The following RTL4 variants were observed in gnomAD, a reference collection of about 807,000 sequenced individuals.
The protein encoded by RTL4 is retrotransposon Gag-like protein 4.
A neutral mutation model predicts 5.3 loss-of-function variants in RTL4; 4 were observed. The observed-to-expected ratio is 0.75, with a 90% confidence interval of 0.37 to 1.72. The LOEUF is 1.72. Among genes scored for constraint, RTL4 ranks in the 40% most tolerant of loss-of-function variants. RTL4 has a pLI of 0.04. For missense variants in RTL4, 260 were observed against 227.1 expected, an observed-to-expected ratio of 1.14 and a Z score of -0.93; for synonymous variants, 98 against 87.3, an observed-to-expected ratio of 1.12 and a Z score of -0.68.
the RTL4 span, among the ~76,000 whole-genome samples, chrX:112,401,016 G>A: frequency 8.1e-5 from 9 of 111,787 alleles, no homozygotes; most frequent in African/African-American, 9.8e-5. Context: ...CAATAATAGG[G>A]CTCCCCTTGT....
At chrX:112,147,407 G>A in the RTL4 span, among the ~76,000 whole-genome samples, 20 of 110,761 alleles carry the variant, frequency 1.8e-4, no homozygotes, top group African/African-American at 5.9e-4. Flanking sequence ...CCTCCCCCTT[G>A]TGACCAAGTG....
At chrX:112,102,244 T>G in the RTL4 span, among the ~76,000 whole-genome samples, 1 of 111,657 alleles carries the variant, frequency 9.0e-6, no homozygotes, top group Admixed American at 9.5e-5. Flanking sequence ...GTTTAAGCAA[T>G]TTGTCCAAGC....
chrX:112,187,037 G>A, the RTL4 span, among the ~76,000 whole-genome samples: 276 of 111,793 alleles, frequency 2.5e-3, 1 homozygote, highest in African/African-American at 8.7e-3. Flanking sequence ...GGCAACATTT[G>A]TTGGATAGGG....
At chrX:112,435,932 C>T in the RTL4 span, among the ~76,000 whole-genome samples, 1 of 111,887 alleles carries the variant, frequency 8.9e-6, no homozygotes, top group Non-Finnish European at 1.9e-5. Context: ...AAATGCCATA[C>T]TAGGCCCAGC....
the RTL4 span, among the ~76,000 whole-genome samples, chrX:112,104,541 A>G: frequency 8.9e-6 from 1 of 111,891 alleles, no homozygotes; most frequent in East Asian, 2.8e-4. Flanking sequence ...TCTGTTCTCC[A>G]CAGCCTTGCC....
the RTL4 span, among the ~76,000 whole-genome samples, chrX:112,387,431 C>T: frequency 9.4e-6 from 1 of 106,577 alleles, no homozygotes; most frequent in Non-Finnish European, 1.9e-5. Context: ...GGACTTTTTG[C>T]AGACATTTCT....
the RTL4 span, among the ~76,000 whole-genome samples, chrX:112,287,246 C>G: frequency 1.8e-5 from 2 of 111,219 alleles, no homozygotes; most frequent in East Asian, 2.8e-4. Flanking sequence ...TATTAAATAC[C>G]TTAAAGCACT....
chrX:112,301,378 C>T, the RTL4 span, among the ~76,000 whole-genome samples: 32 of 111,893 alleles, frequency 2.9e-4, no homozygotes, highest in East Asian at 1.1e-3. Flanking sequence ...AAAGGTTAAC[C>T]GAAATAATGG....
the RTL4 span, among the ~76,000 whole-genome samples, chrX:112,250,210 C>T: frequency 1.8e-5 from 2 of 108,199 alleles, no homozygotes; most frequent in South Asian, 4.1e-4. Flanking sequence ...ACCCGGGAGG[C>T]GGAGCTTGCA....
At chrX:112,372,980 A>C in the RTL4 span, among the ~76,000 whole-genome samples, 18 of 111,082 alleles carry the variant, frequency 1.6e-4, no homozygotes. Context: ...TGCAACCTTA[A>C]CTCTCTGACA....
At chrX:112,325,954 G>A in the RTL4 span, among the ~76,000 whole-genome samples, 1 of 111,570 alleles carries the variant, frequency 9.0e-6, no homozygotes, top group African/African-American at 3.3e-5. Context: ...ACATTTACAA[G>A]AAAAAAACAA....
At chrX:112,409,978 C>T in the RTL4 span, among the ~76,000 whole-genome samples, 2 of 108,863 alleles carry the variant, frequency 1.8e-5, no homozygotes, top group Non-Finnish European at 3.8e-5. Flanking sequence ...GTATTGTCTA[C>T]AAGAATAACA....
At chrX:112,293,583 T>A in the RTL4 span, among the ~76,000 whole-genome samples, 1 of 112,170 alleles carries the variant, frequency 8.9e-6, no homozygotes, top group Admixed American at 9.5e-5. Context: ...TGGAATTGAC[T>A]ACCTTGGGGA....
At chrX:112,325,182 C>T in the RTL4 span, among the ~76,000 whole-genome samples, 1 of 111,876 alleles carries the variant, frequency 8.9e-6, no homozygotes, top group Non-Finnish European at 1.9e-5. Context: ...ATTCCATGCT[C>T]ATGGATAGGA....
the RTL4 span, among the ~76,000 whole-genome samples, chrX:112,090,807 G>A: frequency 9.0e-6 from 1 of 110,908 alleles, no homozygotes; most frequent in African/African-American, 3.3e-5. Flanking sequence ...TTTTTTAGAA[G>A]ATTTAGACAA....
At chrX:112,087,634 C>G in the RTL4 span, among the ~76,000 whole-genome samples, 1 of 111,525 alleles carries the variant, frequency 9.0e-6, no homozygotes, top group African/African-American at 3.3e-5. Flanking sequence ...TGGGAGGTTC[C>G]TACAGAGTAG....
the RTL4 span, among the ~76,000 whole-genome samples, chrX:112,252,946 G>A: frequency 9.0e-6 from 1 of 111,287 alleles, no homozygotes; most frequent in Non-Finnish European, 1.9e-5. Context: ...ACACACTCCC[G>A]CACCTCCTCT....
the RTL4 span, among the ~76,000 whole-genome samples, chrX:112,116,034 G>A: frequency 8.9e-6 from 1 of 111,914 alleles, no homozygotes; most frequent in East Asian, 2.8e-4. Context: ...AGTGGAAGCT[G>A]GTTAGAGGCA....
the RTL4 span, among the ~76,000 whole-genome samples, chrX:112,099,509 A>G: frequency 9.0e-6 from 1 of 111,365 alleles, no homozygotes; most frequent in African/African-American, 3.3e-5. Flanking sequence ...CACGTGCAAA[A>G]CTATGAAGCC....
Sources: gnomAD v4.1 joint callset for allele counts (sites outside exome capture counted in the v4.1 genomes callset) on GRCh38, gnomAD v4.1.1 for gene constraint, MANE v1.5 for transcripts, NCBI Gene and HGNC (gene_info 2026-07-23, HGNC 2026-07-21) for gene names.